Variants in GULP1 observed in about 807,000 individuals in gnomAD.
GULP1 encodes the protein PTB domain-containing engulfment adapter protein 1.
Under a neutral mutation model 40.9 loss-of-function variants are expected in GULP1, and 19 were observed. The ratio of observed to expected loss-of-function variants is 0.46; its 90% CI spans 0.32 to 0.68. The LOEUF is 0.68. Ranked by LOEUF, GULP1 falls within the 30% of genes least tolerant of loss-of-function variation. The pLI is 0.03. For missense variants in GULP1, 312 were observed against 362.2 expected (o/e 0.86, Z 1.12); for synonymous variants, 119 against 117.6 (o/e 1.01, Z -0.08).
intron 1 of GULP1, among the ~76,000 whole-genome samples, chr2:188,298,736 A>G (rs189890785): frequency 6.6e-6 from 1 of 152,304 alleles, no homozygotes; most frequent in Admixed American, 6.5e-5. Context: ...GATTACATTA[A>G]GCAGACTAGG....
chr2:188,528,470 A>T (rs1254678230), intron 5 of GULP1, among the ~76,000 whole-genome samples: 1 of 152,012 alleles, frequency 6.6e-6, no homozygotes, highest in African/African-American at 2.4e-5. Flanking sequence ...TAACTCAATG[A>T]GAAAGTATAA....
chr2:188,432,766 C>T (rs917933786), intron 2 of GULP1, among the ~76,000 whole-genome samples: 3 of 152,002 alleles, frequency 2.0e-5, no homozygotes, highest in Non-Finnish European at 4.4e-5. Flanking sequence ...ATCACATAAA[C>T]TTGAAAAATA....
chr2:188,592,414 G>C (rs928427026), intron 11 of GULP1: 1 of 151,854 alleles, frequency 6.6e-6, no homozygotes, highest in East Asian at 1.9e-4. Flanking sequence ...TTAGTTTAAA[G>C]TATTTATTTT....
chr2:188,366,623 C>T (rs532785331), intron 1 of GULP1, among the ~76,000 whole-genome samples: 16 of 131,548 alleles, frequency 1.2e-4, no homozygotes, highest in South Asian at 9.8e-4. Flanking sequence ...GATGGAGTCT[C>T]GCTCTGTTGC....
In GULP1 at chr2:188,516,797, A is replaced by G. The variant is rs2065220806; in HGVS notation, c.91-5959A>G. On this transcript the variant is annotated intron_variant, in intron 4 of 11. Transcript: ENST00000409830. ...TTTCGAAAAACACTATTCTAGACCAATTCTTCAATTGTTCTAGTTCGTATC... is the reference window on the plus strand; with the variant it reads ...TTTCGAAAAACACTATTCTAGACCAGTTCTTCAATTGTTCTAGTTCGTATC... Among the ~76,000 whole-genome samples, 4 of 152,132 alleles carry G rather than the reference A, an allele frequency of 2.6e-5. No individual in the cohort carries two copies. In the South Asian group the frequency reaches 8.3e-4, roughly 31 times the overall value.
intron 7 of GULP1, among the ~76,000 whole-genome samples, chr2:188,565,220 CAT>C (rs1491559050): frequency 2.0e-5 from 3 of 151,914 alleles, no homozygotes; most frequent in Admixed American, 1.3e-4. Context: ...AAAAATAAAA[CAT>C]TTTCTGTTAA....
At chr2:188,393,189 C>T (rs935980000) in intron 2 of GULP1, among the ~76,000 whole-genome samples, 19 of 151,646 alleles carry the variant, frequency 1.3e-4, no homozygotes, top group East Asian at 5.8e-4. Context: ...GAAGTCCCCC[C>T]GCGATTACTA....
At chr2:188,316,219 G>C (rs1282489333) in intron 1 of GULP1, among the ~76,000 whole-genome samples, 1 of 152,126 alleles carries the variant, frequency 6.6e-6, no homozygotes, top group African/African-American at 2.4e-5. Flanking sequence ...TGTAAAGGCA[G>C]ATAAAACTGA....
chr2:188,370,213 T>G (rs2047418941), intron 1 of GULP1, among the ~76,000 whole-genome samples: 1 of 152,048 alleles, frequency 6.6e-6, no homozygotes, highest in Non-Finnish European at 1.5e-5. Context: ...AGCAGGAGAA[T>G]GGGGGATGAC....
chr2:188,407,714 CAAAGGAAG>C (rs981310709), intron 2 of GULP1, among the ~76,000 whole-genome samples: 2 of 151,846 alleles, frequency 1.3e-5, no homozygotes, highest in Non-Finnish European at 2.9e-5. Context: ...AAGACAGCAA[CAAAGGAAG>C]AAAGGAACAA....
At chr2:188,389,231 C>G (rs2050194384) in intron 2 of GULP1, among the ~76,000 whole-genome samples, 2 of 152,076 alleles carry the variant, frequency 1.3e-5, no homozygotes, top group South Asian at 4.1e-4. Flanking sequence ...TTCCTGTGTT[C>G]AAACCTTTGC....
At chr2:188,332,912 A>G (rs1192992275) in intron 1 of GULP1, among the ~76,000 whole-genome samples, 3 of 152,134 alleles carry the variant, frequency 2.0e-5, no homozygotes, top group Admixed American at 6.6e-5. Context: ...AAGAGCTTGG[A>G]TAAGTAGCTT....
At chr2:188,581,799 T>G (rs745695387) in intron 9 of GULP1, among the ~76,000 whole-genome samples, 2 of 152,196 alleles carry the variant, frequency 1.3e-5, no homozygotes, top group Non-Finnish European at 2.9e-5. Flanking sequence ...TCACAAAGAA[T>G]CTGTGGACCT....
At chr2:188,490,655 T>G (rs2062285792) in intron 4 of GULP1, among the ~76,000 whole-genome samples, 1 of 152,136 alleles carries the variant, frequency 6.6e-6, no homozygotes, top group Non-Finnish European at 1.5e-5. Flanking sequence ...ACATAATTCC[T>G]GGATAAAAAT....
At chr2:188,538,343 C>T (rs551310933) in intron 6 of GULP1, among the ~76,000 whole-genome samples, 1 of 151,824 alleles carries the variant, frequency 6.6e-6, no homozygotes, top group Non-Finnish European at 1.5e-5. Flanking sequence ...TTTTAAGAGC[C>T]CTACTTGAAT....
At chr2:188,522,997 CAT>C (rs1450307692) in intron 5 of GULP1, 170 bp downstream of exon 5, 16 of 501,824 alleles carry the variant, frequency 3.2e-5, no homozygotes, top group East Asian at 1.5e-4. Context: ...TAATAACAAA[CAT>C]GTACACAAAA....
intron 1 of GULP1, among the ~76,000 whole-genome samples, chr2:188,362,751 A>G (rs562322593): frequency 7.3e-6 from 1 of 136,444 alleles, no homozygotes; most frequent in Non-Finnish European, 1.6e-5. Context: ...GATCCTTTCC[A>G]TTTTTTCACT....
At chr2:188,373,387 T>A (rs961480488) in intron 1 of GULP1, among the ~76,000 whole-genome samples, 1 of 151,964 alleles carries the variant, frequency 6.6e-6, no homozygotes, top group Non-Finnish European at 1.5e-5. Context: ...TATATTTTGG[T>A]TCTTTATGAT....
chr2:188,584,906 T>G (rs911963390), intron 10 of GULP1, among the ~76,000 whole-genome samples: 1 of 152,186 alleles, frequency 6.6e-6, no homozygotes, highest in African/African-American at 2.4e-5. Context: ...CTGTTTTATC[T>G]TTTATATATC....
Sources: allele counts gnomAD v4.1 joint callset (sites outside exome capture counted in the v4.1 genomes callset), GRCh38; gene constraint gnomAD v4.1.1; transcripts MANE v1.5; gene names NCBI Gene and HGNC (gene_info 2026-07-23, HGNC 2026-07-21).